ARPP21: variants seen among roughly 807,000 people sequenced by gnomAD.
ARPP21 encodes the protein cAMP-regulated phosphoprotein 21.
A neutral mutation model predicts 113.2 loss-of-function variants in ARPP21; 69 were observed. That is an observed-to-expected ratio of 0.61 (90% CI 0.50 to 0.74). The LOEUF (loss-of-function observed/expected upper bound fraction) is 0.74, where lower values mean the gene tolerates loss of function less well. ARPP21 is among the 30% of genes least tolerant of loss of function. The pLI is 0.00. For missense variants in ARPP21, 1,070 were observed against 1,037.4 expected, an observed-to-expected ratio of 1.03 and a Z score of -0.43; for synonymous variants, 368 against 375.5, an observed-to-expected ratio of 0.98 and a Z score of 0.23.
intron 1 of ARPP21, among the ~76,000 whole-genome samples, chr3:35,666,982 T>A (rs572602120): frequency 6.6e-6 from 1 of 152,300 alleles, no homozygotes; most frequent in African/African-American, 2.4e-5. Context: ...GTAACTATTA[T>A]CCTCACTCAT....
At chr3:35,772,571 A>G (rs1486898373) in intron 19 of ARPP21, among the ~76,000 whole-genome samples, 3 of 152,182 alleles carry the variant, frequency 2.0e-5, no homozygotes, top group Non-Finnish European at 4.4e-5. Context: ...TTCTGCGCTC[A>G]GAGATGAGTC....
intron 1 of ARPP21, among the ~76,000 whole-genome samples, chr3:35,642,618 AT>A (rs1246813068): frequency 6.6e-6 from 1 of 152,146 alleles, no homozygotes; most frequent in Non-Finnish European, 1.5e-5. Context: ...CATGCAGACT[AT>A]TTTTAATACA....
chr3:35,671,433 T>C (rs1440516008), intron 1 of ARPP21, among the ~76,000 whole-genome samples: 1 of 152,172 alleles, frequency 6.6e-6, no homozygotes, highest in Non-Finnish European at 1.5e-5. Flanking sequence ...TACATTTTTT[T>C]CTAGCAAATA....
chr3:35,667,816 G>T (rs2074784609), intron 1 of ARPP21, among the ~76,000 whole-genome samples: 1 of 137,412 alleles, frequency 7.3e-6, no homozygotes, highest in Non-Finnish European at 1.5e-5. Flanking sequence ...AAGTCTTGAA[G>T]ATCACCTGCA....
chr3:35,736,951 G>A (rs1215537335), intron 15 of ARPP21, among the ~76,000 whole-genome samples: 3 of 152,176 alleles, frequency 2.0e-5, no homozygotes, highest in Non-Finnish European at 2.9e-5. Context: ...GAAGGGGGTC[G>A]ATTTATTTGC....
chr3:35,753,041 AGTGTGTGT>A (rs3086930), intron 19 of ARPP21, among the ~76,000 whole-genome samples: 10 of 143,974 alleles, frequency 6.9e-5, no homozygotes, highest in African/African-American at 2.5e-4. Context: ...TATGGCAGGA[AGTGTGTGT>A]GTGTGTGTGT....
intron 19 of ARPP21, among the ~76,000 whole-genome samples, chr3:35,761,796 T>G (rs758482209): frequency 3.3e-5 from 5 of 152,244 alleles, no homozygotes; most frequent in Admixed American, 6.5e-5. Flanking sequence ...TCATAAGTTT[T>G]GTTTCTACAG....
At position 35,739,498 on chromosome 3, in the gene ARPP21, C is replaced by G. The variant is rs982762836; in HGVS notation, c.1931C>G (p.Ser644Cys). The change falls in exon 18 of 21, where the codon TCT becomes TGT. Residue 644 changes from serine (S) to cysteine (C), a missense_variant. By Grantham distance (112) the Ser-to-Cys change is moderately radical. Coordinates refer to ENST00000684406, the MANE Select transcript of ARPP21 (RefSeq NM_001385562.1). ...CTTCCTACAGGAGGATTCTCAGGCT[C>G]TGGCCCTCCCATCTCCCAGCAGGTC... ...QQLPTGGFSG[S>C]GPPISQQVLQ... 6.2e-7 allele frequency: 1 copy of G among 1,614,196 alleles called. No individual in the cohort carries two copies. Among genetic ancestry groups the G allele is most frequent in the Non-Finnish European group, 8.5e-7 (1 of 1,180,042 alleles).
At chr3:35,746,306 G>T (rs947034467) in intron 19 of ARPP21, among the ~76,000 whole-genome samples, 7 of 152,196 alleles carry the variant, frequency 4.6e-5, no homozygotes, top group Non-Finnish European at 8.8e-5. Flanking sequence ...CTTTGAGAGT[G>T]CACAGAGGCT....
intron 9 of ARPP21, among the ~76,000 whole-genome samples, chr3:35,700,124 A>T (rs2085739559): frequency 6.6e-6 from 1 of 151,780 alleles, no homozygotes; most frequent in African/African-American, 2.4e-5. Flanking sequence ...GCTTTCTCAC[A>T]TGATTGTGCA....
At chr3:35,666,971 AG>A (rs1242422840) in intron 1 of ARPP21, among the ~76,000 whole-genome samples, 1 of 152,342 alleles carries the variant, frequency 6.6e-6, no homozygotes, top group African/African-American at 2.4e-5. Context: ...CCAGTCATGT[AG>A]TAACTATTAT....
At chr3:35,776,550 C>A (rs1006729982) in intron 19 of ARPP21, among the ~76,000 whole-genome samples, 1 of 151,996 alleles carries the variant, frequency 6.6e-6, no homozygotes, top group African/African-American at 2.4e-5. Flanking sequence ...CACTCAGCAC[C>A]CTTTTGCCCT....
chr3:35,739,360 G>A lies in ARPP21; in HGVS notation c.1793G>A (p.Arg598Gln), dbSNP rs144656036. 57 of 1,613,976 alleles carry A rather than the reference G, an allele frequency of 3.5e-5. No individual in the cohort carries two copies. Among genetic ancestry groups the A allele is most frequent in the Non-Finnish European group, 4.3e-5 (51 of 1,180,030 alleles). Residue 598 changes from arginine to glutamine, a missense_variant, in exon 18 of 21, where the codon CGG (arginine) becomes CAG (glutamine). By Grantham distance (43) the Arg-to-Gln change is conservative. Coordinates refer to ENST00000684406, the MANE Select transcript of ARPP21 (RefSeq NM_001385562.1). ...ATQFGQMTLS[R>Q]QSSGETPEPP... is the part of the protein sequence containing the mutation. ...CAGTTTGGCCAGATGACCCTGAGCC[G>A]GCAGTCCTCGGGGGAGACTCCTGAA... is the stretch of plus-strand genomic sequence containing the variant.
At chr3:35,778,086 A>C (rs956045608) in intron 19 of ARPP21, among the ~76,000 whole-genome samples, 1 of 152,208 alleles carries the variant, frequency 6.6e-6, no homozygotes, top group African/African-American at 2.4e-5. Flanking sequence ...GAGGGGAAAA[A>C]AGTCTCTAAA....
At chr3:35,730,233 T>C (rs540892059) in intron 15 of ARPP21, among the ~76,000 whole-genome samples, 2 of 152,342 alleles carry the variant, frequency 1.3e-5, no homozygotes, top group Non-Finnish European at 2.9e-5. Context: ...ACTTCCACAT[T>C]GATTTCAAAA....
intron 1 of ARPP21, among the ~76,000 whole-genome samples, chr3:35,647,471 G>A (rs1479705926): frequency 2.0e-5 from 3 of 152,074 alleles, no homozygotes; most frequent in African/African-American, 7.2e-5. Context: ...ATCTGAGAGG[G>A]AGCAGGTAAA....
intron 9 of ARPP21, among the ~76,000 whole-genome samples, chr3:35,697,250 A>G (rs2084404342): frequency 6.6e-6 from 1 of 151,638 alleles, no homozygotes; most frequent in Admixed American, 6.6e-5. Context: ...CAAATAAAGG[A>G]AATAGCAAAT....
chr3:35,757,111 C>T (rs1356234445), intron 19 of ARPP21, among the ~76,000 whole-genome samples: 2 of 149,378 alleles, frequency 1.3e-5, no homozygotes, highest in Non-Finnish European at 3.0e-5. Context: ...CTCTGTCACC[C>T]AGGCTAGAGT....
intron 7 of ARPP21, 130 bp from the exon 8 acceptor site, chr3:35,689,951 A>G (rs574897696): frequency 4.9e-5 from 29 of 587,458 alleles, no homozygotes; most frequent in Non-Finnish European, 8.5e-5. Context: ...AGCATATTCC[A>G]AAGAAGAGTT....
Sources: gnomAD v4.1 joint callset for allele counts (sites outside exome capture counted in the v4.1 genomes callset) on GRCh38, gnomAD v4.1.1 for gene constraint, MANE v1.5 for transcripts, NCBI Gene and HGNC (gene_info 2026-07-23, HGNC 2026-07-21) for gene names.